CDH8: variants seen among roughly 807,000 people sequenced by gnomAD.
CDH8 encodes the protein cadherin-8.
A neutral mutation model predicts 68.1 loss-of-function variants in CDH8; 17 were observed. The ratio of observed to expected loss-of-function variants is 0.25; its 90% confidence interval spans 0.17 to 0.37. The LOEUF is 0.37. Ranked by LOEUF, CDH8 falls within the 10% of genes least tolerant of loss-of-function variation. The pLI is 1.00. For synonymous variants in CDH8, 372 were observed against 365.1 expected, an observed-to-expected ratio of 1.02 and a Z score of -0.21; for missense variants, 763 against 999.3, an observed-to-expected ratio of 0.76 and a Z score of 3.19.
At chr16:61,735,854 C>T (rs906289911) in intron 8 of CDH8, among the ~76,000 whole-genome samples, 4 of 151,928 alleles carry the variant, frequency 2.6e-5, no homozygotes, top group African/African-American at 4.8e-5. Context: ...GCGGGGAGAT[C>T]GCTAGGTCAA....
chr16:61,970,125 C>T (rs1437488782), intron 2 of CDH8, among the ~76,000 whole-genome samples: 2 of 152,144 alleles, frequency 1.3e-5, no homozygotes, highest in East Asian at 3.8e-4. Context: ...AATTGGGATG[C>T]TGAACTTTTA....
At chr16:61,821,171 T>C in intron 5 of CDH8, 58 bp from the exon 6 acceptor site, 2 of 1,377,206 alleles carry the variant, frequency 1.5e-6, no homozygotes, top group Non-Finnish European at 2.0e-6. Flanking sequence ...CATTCATTCA[T>C]ATGGCAAATA....
At chr16:61,968,064 C>T (rs1256343399) in intron 2 of CDH8, among the ~76,000 whole-genome samples, 3 of 152,268 alleles carry the variant, frequency 2.0e-5, no homozygotes, top group Admixed American at 6.5e-5. Flanking sequence ...CCCGCTTTGG[C>T]CTCCCAAAGA....
At chr16:61,719,209 A>G (rs2142877616) in intron 9 of CDH8, among the ~76,000 whole-genome samples, 1 of 150,224 alleles carries the variant, frequency 6.7e-6, no homozygotes, top group South Asian at 2.1e-4. Context: ...TGCAGTTCTG[A>G]CATACAGGAA....
intron 6 of CDH8, chr16:61,818,037 A>G (rs1477841250): frequency 8.4e-6 from 2 of 237,166 alleles, no homozygotes; most frequent in East Asian, 1.8e-4. Flanking sequence ...GTCATAATAA[A>G]ATTTTACTAG....
chr16:61,740,581 C>T (rs950848024), intron 8 of CDH8, among the ~76,000 whole-genome samples: 27 of 152,104 alleles, frequency 1.8e-4, no homozygotes, highest in African/African-American at 6.5e-4. Context: ...CTCAAGATAA[C>T]CTCTACTTGG....
intron 8 of CDH8, among the ~76,000 whole-genome samples, chr16:61,758,667 A>G (rs774619260): frequency 6.6e-6 from 1 of 152,164 alleles, no homozygotes; most frequent in Non-Finnish European, 1.5e-5. Context: ...TCCTGACCTC[A>G]AGTGATCCGC....
chr16:61,857,253 A>G lies in CDH8; in HGVS notation c.548-15T>C. 2 of 1,604,350 alleles carry G rather than the reference A, an allele frequency of 1.2e-6. No individual in the cohort carries two copies. Among genetic ancestry groups the G allele is most frequent in the Non-Finnish European group, 1.7e-6 (2 of 1,173,106 alleles). ...GACAGATGTACCTAATAAAATAGAG[A>G]AAGAAAAAAGATAATAATTAACACA... On this transcript the variant is annotated splice_polypyrimidine_tract_variant and intron_variant, in intron 3 of 11. Transcript: ENST00000577390.
intron 2 of CDH8, among the ~76,000 whole-genome samples, chr16:61,938,832 T>C (rs1799876717): frequency 6.6e-6 from 1 of 152,140 alleles, no homozygotes; most frequent in South Asian, 2.1e-4. Flanking sequence ...ACTTAAGCAA[T>C]TTGCTCAATG....
chr16:61,719,539 A>G (rs1014105820), intron 9 of CDH8, among the ~76,000 whole-genome samples: 1 of 151,074 alleles, frequency 6.6e-6, no homozygotes, highest in African/African-American at 2.4e-5. Flanking sequence ...AATATTAAAT[A>G]AAAACCACTC....
chr16:61,737,772 T>TA (rs921201637), intron 8 of CDH8, among the ~76,000 whole-genome samples: 1 of 152,176 alleles, frequency 6.6e-6, no homozygotes, highest in African/African-American at 2.4e-5. Flanking sequence ...CTTTCTCTGT[T>TA]ATGGCAACTG....
rs759212214 is a variant in CDH8 at position 61,789,339 on chromosome 16, C to A, written c.1414+7G>T. 6.2e-7 allele frequency: 1 copy of A among 1,606,828 alleles called. No homozygotes were observed. The highest frequency in any genetic ancestry group is 8.5e-7 in the Non-Finnish European group (1 of 1,176,612). On this transcript the variant is annotated splice_region_variant and intron_variant, in intron 8 of 11. Transcript: ENST00000577390. The stretch of plus-strand genomic sequence containing the variant: ...CAAGGAAGAAATGAACAAATCCAGG[C>A]ACTTACTAATTTCAGTAGCAATGAT...
intron 8 of CDH8, among the ~76,000 whole-genome samples, chr16:61,756,854 CAT>C (rs1422721797): frequency 1.3e-5 from 2 of 152,176 alleles, no homozygotes; most frequent in Non-Finnish European, 2.9e-5. Flanking sequence ...GTTCGACAAA[CAT>C]AGCTCCATCT....
At chr16:61,730,135 A>C (rs1959494088) in intron 8 of CDH8, among the ~76,000 whole-genome samples, 1 of 151,478 alleles carries the variant, frequency 6.6e-6, no homozygotes, top group Non-Finnish European at 1.5e-5. Context: ...TCATGGTTGC[A>C]ATAAATTGCA....
At chr16:61,869,571 T>C (rs1454178230) in intron 3 of CDH8, among the ~76,000 whole-genome samples, 1 of 152,216 alleles carries the variant, frequency 6.6e-6, no homozygotes, top group East Asian at 1.9e-4. Flanking sequence ...TTTCATTACA[T>C]TGAAGACTTC....
intron 9 of CDH8, among the ~76,000 whole-genome samples, chr16:61,719,564 A>T (rs879300639): frequency 6.6e-6 from 1 of 151,046 alleles, no homozygotes; most frequent in East Asian, 1.9e-4. Context: ...TCTTACCCTG[A>T]TTTAAAAATC....
In CDH8 at chr16:61,652,705, A is replaced by G; in HGVS notation, c.*903T>C. The G allele has an allele frequency of 7.9e-7, 1 of 1,264,036 alleles. No individual in the cohort carries two copies. Among genetic ancestry groups the G allele is most frequent in the Non-Finnish European group, 1.0e-6 (1 of 1,001,364 alleles). 78.3% of individuals were successfully genotyped at this position (1,264,036 alleles called of 1,614,324 possible). On this transcript the variant is annotated 3_prime_UTR_variant, in exon 12 of 12. Coordinates refer to ENST00000577390, the MANE Select transcript of CDH8 (RefSeq NM_001796.5). ...TAGTTTTTTCCCATATATCCCCTTAATCTATAGATTACCGACCTTAATAAA... is the reference window on the plus strand; with the variant it reads ...TAGTTTTTTCCCATATATCCCCTTAGTCTATAGATTACCGACCTTAATAAA...
chr16:61,936,179 T>C (rs1220870733), intron 2 of CDH8, among the ~76,000 whole-genome samples: 1 of 152,154 alleles, frequency 6.6e-6, no homozygotes, highest in African/African-American at 2.4e-5. Flanking sequence ...TCAAGGGATA[T>C]ACTTACATTG....
chr16:61,837,381 G>C (rs1335960302), intron 4 of CDH8, among the ~76,000 whole-genome samples: 1 of 152,030 alleles, frequency 6.6e-6, no homozygotes, highest in Non-Finnish European at 1.5e-5. Context: ...ATACACCTAA[G>C]AAAGTGGGTG....
Sources: gnomAD v4.1 joint callset for allele counts (sites outside exome capture counted in the v4.1 genomes callset) on GRCh38, gnomAD v4.1.1 for gene constraint, MANE v1.5 for transcripts, NCBI Gene and HGNC (gene_info 2026-07-23, HGNC 2026-07-21) for gene names.